Variants in SETD1B observed in about 807,000 individuals in gnomAD.
SETD1B encodes the protein SET domain containing 1B, histone lysine methyltransferase.
Under a neutral mutation model 148.0 loss-of-function variants are expected in SETD1B, and 7 were observed. That is an observed-to-expected ratio of 0.05 (90% CI 0.03 to 0.09). SETD1B has a LOEUF of 0.09. Among genes scored for constraint, SETD1B ranks in the 10% least tolerant of loss-of-function variants. The pLI, the probability that SETD1B is intolerant of heterozygous loss-of-function variation, is 1.00. For missense variants in SETD1B, 2,155 were observed against 2,729.9 expected (o/e 0.79, Z 4.69); for synonymous variants, 1,361 against 1,186.5 (o/e 1.15, Z -3.02).
At chr12:121,807,366 A>G (rs1875794204) in intron 4 of SETD1B, among the ~76,000 whole-genome samples, 2 of 151,662 alleles carry the variant, frequency 1.3e-5, no homozygotes, top group African/African-American at 4.9e-5. Context: ...TGATAATTGA[A>G]TTGAACATGG....
intron 10 of SETD1B, among the ~76,000 whole-genome samples, chr12:121,818,160 C>T (rs1048956859): frequency 6.6e-6 from 1 of 152,190 alleles, no homozygotes; most frequent in African/African-American, 2.4e-5. Context: ...GGGGCTTGCT[C>T]AGCCTACATG....
At chr12:121,815,101 TCAG>T (rs1159476164) in intron 7 of SETD1B, among the ~76,000 whole-genome samples, 171 bp downstream of exon 7, 1 of 152,080 alleles carries the variant, frequency 6.6e-6, no homozygotes, top group African/African-American at 2.4e-5. Flanking sequence ...GTGCTCCACT[TCAG>T]CAGCCACTAG....
chr12:121,803,076 G>A (rs1273776126), upstream of SETD1B: 3 of 150,300 alleles, frequency 2.0e-5, no homozygotes, highest in South Asian at 2.1e-4. This position sits in a 1 kb window ranked among gnomAD's most constrained non-coding sequence, Gnocchi z 4.7. Context: ...CCCGAAAAGA[G>A]CCCCAATATG....
chr12:121,793,760 C>G, the SETD1B span: 1 of 798,042 alleles, frequency 1.3e-6, no homozygotes, highest in Non-Finnish European at 1.8e-6. Context: ...GGCAGCCTCC[C>G]GGCCGACCTC....
the SETD1B span, among the ~76,000 whole-genome samples, chr12:121,794,788 CT>C: frequency 6.8e-5 from 10 of 147,388 alleles, no homozygotes; most frequent in Middle Eastern, 3.5e-3. Context: ...GGACCCCCCC[CT>C]GGAGCCGGTC....
At position 121,819,550 on chromosome 12, in the gene SETD1B, G is replaced by C; in HGVS notation, c.3565G>C (p.Glu1189Gln). 2.6e-6 allele frequency: 4 copies of C among 1,552,448 alleles called. No individual in the cohort carries two copies. Among genetic ancestry groups the C allele is most frequent in the Non-Finnish European group, 3.5e-6 (4 of 1,147,130 alleles). ...GGTAGTGGCCAGGGAAGAGGAGGAA[G>C]AAGAGGAGGAGGAGGAGATGGTGGC... ...EEVVAREEEE[E>Q]EEEEEMVAEE... Residue 1189 changes from glutamate (E) to glutamine (Q), a missense_variant, in exon 11 of 17, where the codon GAA (glutamate) becomes CAA (glutamine). Transcript: ENST00000604567.
the SETD1B span, among the ~76,000 whole-genome samples, chr12:121,796,695 C>A: frequency 1.7e-4 from 26 of 152,346 alleles, 1 homozygote; most frequent in South Asian, 5.0e-3. Context: ...CAAGGCCACT[C>A]CTTGAGTGCT....
chr12:121,797,187 C>T, the SETD1B span: 73 of 349,052 alleles, frequency 2.1e-4, no homozygotes, highest in African/African-American at 1.4e-3. Flanking sequence ...GGCTGTGTCT[C>T]CACCCAGAGG....
In SETD1B at chr12:121,814,117, C is replaced by T. The variant is rs776068638; in HGVS notation, c.1902C>T (p.Ser634=). The T allele has an allele frequency of 5.9e-5, 91 of 1,548,786 alleles. No homozygotes were observed. The highest frequency in any genetic ancestry group is 7.2e-5 in the Non-Finnish European group (83 of 1,146,578). ...TGCTCTCTCTGCAGGGCCAGCAGTCCTCAGGCGAGGACATGGAGATCTCGG... is the reference window on the plus strand; with the variant it reads ...TGCTCTCTCTGCAGGGCCAGCAGTCTTCAGGCGAGGACATGGAGATCTCGG... The part of the protein sequence containing the change: ...TSEKMDEGQQ[S]SGEDMEISDD... Residue 634 remains serine (S), a synonymous_variant, in exon 7 of 17, where the codon TCC becomes TCT. Coordinates refer to ENST00000604567, the MANE Select transcript of SETD1B (RefSeq NM_001353345.2).
intron 13 of SETD1B, among the ~76,000 whole-genome samples, chr12:121,826,266 C>CT (rs1876833966): frequency 1.7e-5 from 2 of 117,624 alleles, no homozygotes; most frequent in Non-Finnish European, 4.2e-5. Flanking sequence ...GAAAGAAGCA[C>CT]GTAATTCCAG....
chr12:121,804,447 G>A lies in SETD1B; in HGVS notation c.-15+214G>A, dbSNP rs1196466240. Among the ~76,000 whole-genome samples, 1 of 149,848 alleles carries A rather than the reference G, an allele frequency of 6.7e-6. No homozygotes were observed. The highest frequency in any genetic ancestry group is 1.5e-5 in the Non-Finnish European group (1 of 67,226). ...CATGGGCCGGAGTCCGCGTCCTCCG[G>A]GCGCCCCGGGCCCCGCCAGCCCGCC... On this transcript the variant is annotated intron_variant, in intron 1 of 16. Coordinates refer to ENST00000604567, the MANE Select transcript of SETD1B (RefSeq NM_001353345.2). The surrounding 1 kb of genome is among the most constrained non-coding windows in gnomAD (Gnocchi z 4.6).
Position 121,808,534 on chromosome 12 carries a change from AG to A in SETD1B, c.657+217del, listed in dbSNP as rs1456851568. ...CCATTTTCCCAAGTGCTCCTGCAGTAGGGCTCCATGGGATTGGTTCTGTTTC... is the reference window on the plus strand; with the variant it reads ...CCATTTTCCCAAGTGCTCCTGCAGTAGGCTCCATGGGATTGGTTCTGTTTC... On this transcript the variant is annotated intron_variant, in intron 5 of 16. Transcript: ENST00000604567. This position sits in a 1 kb window ranked among gnomAD's most constrained non-coding sequence, Gnocchi z 5.3. 1.3e-5 allele frequency among the ~76,000 whole-genome samples: 2 copies of A among 152,252 alleles called. No individual in the cohort carries two copies. Among genetic ancestry groups the A allele is most frequent in the Non-Finnish European group, 2.9e-5 (2 of 68,042 alleles).
chr12:121,809,866 C>T lies in SETD1B; in HGVS notation c.921C>T (p.Thr307=). Reference sequence around the variant, plus strand: ...TCTTCAGCCAGGACCCTGCAGTGACCTTCAAGGCCCGGCGCCACGAGAGCA... The same window carrying T: ...TCTTCAGCCAGGACCCTGCAGTGACTTTCAAGGCCCGGCGCCACGAGAGCA... The part of the protein sequence containing the change: ...SYLFSQDPAV[T]FKARRHESKF... Residue 307 remains threonine, a synonymous_variant, in exon 6 of 17, where the codon ACC becomes ACT. Coordinates refer to ENST00000604567, the MANE Select transcript of SETD1B (RefSeq NM_001353345.2). 6.4e-7 allele frequency: 1 copy of T among 1,551,392 alleles called. No homozygotes were observed. The highest frequency in any genetic ancestry group is 8.7e-7 in the Non-Finnish European group (1 of 1,146,990).
intron 11 of SETD1B, among the ~76,000 whole-genome samples, chr12:121,820,330 A>C (rs1019570301): frequency 6.6e-6 from 1 of 152,220 alleles, no homozygotes; most frequent in East Asian, 1.9e-4. Flanking sequence ...GAGAACTCTA[A>C]CTGCATGGCC....
Position 121,817,671 on chromosome 12 carries a change from C to T in SETD1B, c.3279C>T (p.Leu1093=), listed in dbSNP as rs1876362561. The T allele has an allele frequency of 6.5e-7, 1 of 1,550,154 alleles. No homozygotes were observed. Among genetic ancestry groups the T allele is most frequent in the Non-Finnish European group, 8.7e-7 (1 of 1,146,272 alleles). The change falls in exon 9 of 17, where the codon CTC becomes CTT. Residue 1093 remains leucine (L), a synonymous_variant. Coordinates refer to ENST00000604567, the MANE Select transcript of SETD1B (RefSeq NM_001353345.2). This position sits in a 1 kb window ranked among gnomAD's most constrained non-coding sequence, Gnocchi z 8.1. ...AGGAGGAAGTCCCCAGGAGCCAGCT[C>T]TCCTCCTCCTCAACCTCATCCACAT... ...EEEEEVPRSQ[L]SSSSTSSTSD...
At position 121,817,464 on chromosome 12, in the gene SETD1B, G is replaced by A. The variant is rs1254101229; in HGVS notation, c.3072G>A (p.Ala1024=). ...PKGVGVRRRP[A]RPLELDSGGE... is the part of the protein sequence containing the mutation. ...GCGTGGGTGTGCGGCGGCGGCCGGC[G>A]CGGCCTCTGGAGCTGGACAGTGGTG... The change falls in exon 9 of 17, where the codon GCG becomes GCA. Residue 1024 remains alanine (A), a synonymous_variant. Coordinates refer to ENST00000604567, the MANE Select transcript of SETD1B (RefSeq NM_001353345.2). The surrounding 1 kb of genome is among the most constrained non-coding windows in gnomAD (Gnocchi z 8.1). 12 of 1,548,290 alleles carry A rather than the reference G, an allele frequency of 7.8e-6. No homozygotes were observed. The highest frequency in any genetic ancestry group is 2.4e-5 in the South Asian group (2 of 83,988).
intron 4 of SETD1B, among the ~76,000 whole-genome samples, chr12:121,806,673 G>A (rs553224346): frequency 5.3e-5 from 8 of 152,302 alleles, no homozygotes; most frequent in East Asian, 1.9e-4. Flanking sequence ...GAGCAGAGCC[G>A]GGAAGAGGGA....
Position 121,822,930 on chromosome 12 carries a change from C to T in SETD1B, c.4351C>T (p.Pro1451Ser), listed in dbSNP as rs1004222152. 3 of 1,529,290 alleles carry T rather than the reference C, an allele frequency of 2.0e-6. No individual in the cohort carries two copies. Among genetic ancestry groups the T allele is most frequent in the African/African-American group, 2.8e-5 (2 of 72,542 alleles). 94.7% of individuals were successfully genotyped at this position (1,529,290 alleles called of 1,614,324 possible). The change falls in exon 12 of 17, where the codon CCC becomes TCC. Residue 1451 changes from proline to serine, a missense_variant. Pro to Ser is a moderately conservative substitution (Grantham distance 74, BLOSUM62 -1). Around this residue, in one of 11 missense-constraint regions of SETD1B, gnomAD observed 862 missense variants for 873.8 expected, o/e 0.99. Coordinates refer to ENST00000604567, the MANE Select transcript of SETD1B (RefSeq NM_001353345.2). ...CTTGCTCCTGCCCGTCTGCCCACTC[C>T]CCACTGGCCGACGCGATGAACGCTC... is the stretch of plus-strand genomic sequence containing the variant. Reference protein sequence around the residue: ...GPLLLPVCPLPTGRRDERSGP... With the variant: ...GPLLLPVCPLSTGRRDERSGP...
At chr12:121,790,611 T>C in the SETD1B span, among the ~76,000 whole-genome samples, 1 of 152,176 alleles carries the variant, frequency 6.6e-6, no homozygotes, top group Non-Finnish European at 1.5e-5. Context: ...GAGCAAGCCT[T>C]CCCTGGTCAC....
Sources: gnomAD v4.1 joint callset for allele counts (sites outside exome capture counted in the v4.1 genomes callset) on GRCh38, gnomAD v4.1.1 for gene constraint, gnomAD v4.1.1 regional missense constraint, Gnocchi (gnomAD v3.1) non-coding constraint, MANE v1.5 for transcripts, NCBI Gene and HGNC (gene_info 2026-07-23, HGNC 2026-07-21) for gene names.